Variants in RNF144A observed in about 807,000 individuals in gnomAD.
RNF144A encodes the protein ring finger protein 144A.
Under a neutral mutation model 38.7 loss-of-function variants are expected in RNF144A, and 11 were observed. That is an observed-to-expected ratio of 0.28 (90% CI 0.18 to 0.47). The LOEUF is 0.47. Ranked by LOEUF, RNF144A falls within the 20% of genes least tolerant of loss-of-function variation. The pLI is 0.99. For missense variants in RNF144A, 316 were observed against 377.2 expected (o/e 0.84, Z 1.34); for synonymous variants, 149 against 143.9 (o/e 1.04, Z -0.25).
intron 2 of RNF144A, among the ~76,000 whole-genome samples, chr2:6,994,769 T>G (rs1669613941): frequency 6.6e-6 from 1 of 152,234 alleles, no homozygotes; most frequent in Admixed American, 6.5e-5. Flanking sequence ...TATTTTAGAC[T>G]GAGTGACTTG....
chr2:7,062,349 A>G (rs907738303), intron 6 of RNF144A, among the ~76,000 whole-genome samples: 3 of 152,076 alleles, frequency 2.0e-5, no homozygotes, highest in African/African-American at 7.2e-5. Context: ...CTTTTTGCCA[A>G]AGGAAATCTC....
intron 2 of RNF144A, among the ~76,000 whole-genome samples, chr2:6,951,361 A>G (rs547163058): frequency 6.6e-6 from 1 of 151,630 alleles, no homozygotes; most frequent in African/African-American, 2.4e-5. Context: ...TAATGACTCC[A>G]GCTCTCTAGT....
chr2:6,990,035 C>T (rs1669228828), intron 2 of RNF144A, among the ~76,000 whole-genome samples: 1 of 152,262 alleles, frequency 6.6e-6, no homozygotes, highest in East Asian at 1.9e-4. Context: ...AATGAATATA[C>T]ATTGATCAGC....
downstream of RNF144A, among the ~76,000 whole-genome samples, chr2:7,048,512 A>C (rs1447927954): frequency 6.6e-6 from 1 of 152,142 alleles, no homozygotes; most frequent in Non-Finnish European, 1.5e-5. Flanking sequence ...GTAGGAACAC[A>C]CCTAGGCAGG....
rs1673000384 is a variant in RNF144A, at chr2:7,040,792, A to T, written c.*1032A>T. Reference sequence around the variant, plus strand: ...CTAGGGAAGAGCCTGCCAGATTTTCACATTTTTAAAATGTTCTAGTCATTT... The same window carrying T: ...CTAGGGAAGAGCCTGCCAGATTTTCTCATTTTTAAAATGTTCTAGTCATTT... On this transcript the variant is annotated 3_prime_UTR_variant, in exon 9 of 9. Transcript: ENST00000320892. 1.3e-5 allele frequency: 13 copies of T among 985,338 alleles called. No homozygotes were observed. The highest frequency in any genetic ancestry group is 1.4e-5 in the Non-Finnish European group (12 of 829,942). 61.0% of individuals were successfully genotyped at this position (985,338 alleles called of 1,614,324 possible).
At chr2:7,034,423 C>T (rs1215010553) in intron 8 of RNF144A, among the ~76,000 whole-genome samples, 3 of 152,218 alleles carry the variant, frequency 2.0e-5, no homozygotes, top group South Asian at 2.1e-4. Flanking sequence ...CAGCTTTGCT[C>T]GGACTCATCT....
intron 1 of RNF144A, among the ~76,000 whole-genome samples, chr2:6,931,573 A>C (rs951457177): frequency 1.3e-5 from 2 of 152,168 alleles, no homozygotes; most frequent in African/African-American, 2.4e-5. Context: ...TTTTTTTCCT[A>C]GTTTTCAGTT....
At chr2:6,940,148 T>G (rs1474662291) in intron 1 of RNF144A, among the ~76,000 whole-genome samples, 1 of 152,240 alleles carries the variant, frequency 6.6e-6, no homozygotes, top group Non-Finnish European at 1.5e-5. Flanking sequence ...TTAATCAATC[T>G]GTTAATATAT....
At chr2:6,994,507 A>T (rs1669598316) in intron 2 of RNF144A, among the ~76,000 whole-genome samples, 1 of 152,178 alleles carries the variant, frequency 6.6e-6, no homozygotes, top group African/African-American at 2.4e-5. Context: ...GAAAATGATG[A>T]CAGTCATAAG....
Position 7,014,438 on chromosome 2 carries a change from T to C in RNF144A, c.136-16T>C. ...AGGTAAAGATGTTTATAGACACTTC[T>C]CTGTTTTTCTTTCAGTGCCTGAAAC... On this transcript the variant is annotated splice_polypyrimidine_tract_variant and intron_variant, in intron 3 of 8. Coordinates refer to ENST00000320892, the MANE Select transcript of RNF144A (RefSeq NM_014746.6). The C allele has an allele frequency of 1.3e-6, 2 of 1,556,526 alleles. No individual in the cohort carries two copies. The highest frequency in any genetic ancestry group is 1.8e-6 in the Non-Finnish European group (2 of 1,127,796).
At position 6,943,649 on chromosome 2, in the gene RNF144A, T is replaced by C. The variant is rs898557276; in HGVS notation, c.-12+2502T>C. Reference sequence around the variant, plus strand: ...AGAGAGAGATGGGTTTGTGGAAAAGTGGAGTTACTGGCTTTAGGAGGAACA... The same window carrying C: ...AGAGAGAGATGGGTTTGTGGAAAAGCGGAGTTACTGGCTTTAGGAGGAACA... On this transcript the variant is annotated intron_variant, in intron 2 of 8. Transcript: ENST00000320892. The surrounding 1 kb of genome is among the most constrained non-coding windows in gnomAD (Gnocchi z 4.3). Among the ~76,000 whole-genome samples the C allele has an allele frequency of 6.6e-5, 10 of 152,018 alleles. No homozygotes were observed. The highest frequency in any genetic ancestry group is 6.5e-4 in the Admixed American group (10 of 15,278).
intron 3 of RNF144A, among the ~76,000 whole-genome samples, chr2:7,011,072 A>G (rs1670767227): frequency 6.7e-6 from 1 of 148,196 alleles, no homozygotes; most frequent in South Asian, 2.2e-4. Flanking sequence ...CTTGTTCTAC[A>G]GAAAAAGTTT....
chr2:6,950,530 T>A (rs1013873558), intron 2 of RNF144A, among the ~76,000 whole-genome samples: 1 of 152,168 alleles, frequency 6.6e-6, no homozygotes, highest in South Asian at 2.1e-4. Flanking sequence ...TAAGTGCAAT[T>A]TTTTTCTTGA....
At chr2:7,024,224 G>T (rs1671721833) in intron 6 of RNF144A, 145 bp from the exon 7 acceptor site, 3 of 678,186 alleles carry the variant, frequency 4.4e-6, no homozygotes, top group East Asian at 3.1e-5. Flanking sequence ...CTGTTTCTTT[G>T]TTTTTTGGTT....
intron 6 of RNF144A, among the ~76,000 whole-genome samples, chr2:7,057,267 A>C (rs1000429672): frequency 7.9e-5 from 12 of 152,194 alleles, no homozygotes; most frequent in African/African-American, 2.9e-4. Context: ...TTTTCTAAGT[A>C]AAGTCTAGCC....
At chr2:6,979,082 T>C (rs915716370) in intron 2 of RNF144A, among the ~76,000 whole-genome samples, 1 of 152,138 alleles carries the variant, frequency 6.6e-6, no homozygotes, top group Non-Finnish European at 1.5e-5. Context: ...CCTGAGTGCC[T>C]ATTGGAGTCT....
At chr2:7,031,627 A>G (rs550578156) in intron 8 of RNF144A, among the ~76,000 whole-genome samples, 2 of 152,356 alleles carry the variant, frequency 1.3e-5, no homozygotes, top group South Asian at 4.1e-4. Flanking sequence ...AGAGCCTCTG[A>G]GGCACATGTG....
Position 6,945,512 on chromosome 2 carries a change from A to G in RNF144A, c.-12+4365A>G, listed in dbSNP as rs1386482989. Among the ~76,000 whole-genome samples the G allele has an allele frequency of 3.9e-5, 6 of 152,180 alleles. No homozygotes were observed. In the South Asian group the frequency reaches 1.0e-3, roughly 26 times the overall value. On this transcript the variant is annotated intron_variant, in intron 2 of 8. Coordinates refer to ENST00000320892, the MANE Select transcript of RNF144A (RefSeq NM_014746.6). ...CTCTGAGCCTTCCTGGTGTTTATAC[A>G]TGCCAAATTGGAGGGAGACGGTCAA...
chr2:6,972,147 A>G (rs2103348445), intron 2 of RNF144A, among the ~76,000 whole-genome samples: 1 of 152,304 alleles, frequency 6.6e-6, no homozygotes, highest in South Asian at 2.1e-4. Flanking sequence ...CCAGAGCAAC[A>G]GCAAACAGCA....
Sources: gnomAD v4.1 joint callset for allele counts (sites outside exome capture counted in the v4.1 genomes callset) on GRCh38, gnomAD v4.1.1 for gene constraint, Gnocchi (gnomAD v3.1) non-coding constraint, MANE v1.5 for transcripts, NCBI Gene and HGNC (gene_info 2026-07-23, HGNC 2026-07-21) for gene names.